ACYP2: variants seen among roughly 807,000 people sequenced by gnomAD.
The protein encoded by ACYP2 is acylphosphatase 2, also known as acylphosphatase-2.
Under a neutral mutation model 11.2 loss-of-function variants are expected in ACYP2, and 12 were observed. The ratio of observed to expected loss-of-function variants is 1.08; its 90% CI spans 0.69 to 1.74. ACYP2 has a LOEUF of 1.74. Among genes scored for constraint, ACYP2 ranks in the 40% most tolerant of loss-of-function variants. ACYP2 has a pLI of 0.00. For missense variants in ACYP2, 134 were observed against 101.9 expected (o/e 1.31, Z -1.35); for synonymous variants, 43 against 32.2 (o/e 1.33, Z -1.13).
At chr2:54,138,803 A>G (rs1681425705) in intron 6 of ACYP2, 55 bp downstream of exon 3, 3 of 1,454,538 alleles carry the variant, frequency 2.1e-6, no homozygotes, top group Non-Finnish European at 2.9e-6. Context: ...GCTGTTTTTT[A>G]GTTTTTTAAG....
chr2:54,028,958 G>T (rs1361812466), intron 2 of ACYP2, among the ~76,000 whole-genome samples: 1 of 152,100 alleles, frequency 6.6e-6, no homozygotes. Flanking sequence ...AGCAGTTTGA[G>T]ACCACTTTGG....
At chr2:54,134,710 A>G (rs1681121216) in intron 4 of ACYP2, among the ~76,000 whole-genome samples, 1 of 152,218 alleles carries the variant, frequency 6.6e-6, no homozygotes, top group South Asian at 2.1e-4. Context: ...TAAACATTTT[A>G]TTTATTTCAT....
chr2:54,268,267 G>T (rs1688127956), intron 6 of ACYP2, among the ~76,000 whole-genome samples: 1 of 152,296 alleles, frequency 6.6e-6, no homozygotes, highest in East Asian at 1.9e-4. Context: ...TAGCTGCAAT[G>T]AGGTTGTTGG....
At chr2:54,091,003 TA>T (rs1678195021) in intron 4 of ACYP2, among the ~76,000 whole-genome samples, 1 of 152,218 alleles carries the variant, frequency 6.6e-6, no homozygotes, top group African/African-American at 2.4e-5. Flanking sequence ...AACGCTGACA[TA>T]ATTGTTGATT....
chr2:54,182,597 C>T (rs1683792736), intron 6 of ACYP2, among the ~76,000 whole-genome samples: 1 of 152,138 alleles, frequency 6.6e-6, no homozygotes, highest in African/African-American at 2.4e-5. Flanking sequence ...CTTGGCCTCC[C>T]AAAGTCCTGG....
chr2:54,282,194 T>C (rs1688879241), intron 6 of ACYP2, among the ~76,000 whole-genome samples: 1 of 152,194 alleles, frequency 6.6e-6, no homozygotes, highest in Non-Finnish European at 1.5e-5. Flanking sequence ...ATACAAGTTC[T>C]CCAAGTCCTT....
chr2:54,112,242 A>G (rs1679500050), intron 4 of ACYP2, among the ~76,000 whole-genome samples: 1 of 152,220 alleles, frequency 6.6e-6, no homozygotes, highest in Admixed American at 6.5e-5. Flanking sequence ...GGGAATTAAC[A>G]GGTTTTAATT....
intron 6 of ACYP2, among the ~76,000 whole-genome samples, chr2:54,279,279 C>T (rs1288184319): frequency 2.0e-5 from 3 of 152,104 alleles, no homozygotes; most frequent in Admixed American, 1.3e-4. Context: ...GGAATACTGC[C>T]AGGCTTATTT....
At chr2:54,247,511 T>C (rs750957711) in intron 6 of ACYP2, among the ~76,000 whole-genome samples, 10 of 152,206 alleles carry the variant, frequency 6.6e-5, no homozygotes, top group Non-Finnish European at 1.3e-4. Context: ...GAAAGTATCA[T>C]AGGCACTACT....
intron 2 of ACYP2, among the ~76,000 whole-genome samples, chr2:53,978,659 G>A (rs538378002): frequency 6.6e-6 from 1 of 152,342 alleles, no homozygotes; most frequent in Admixed American, 6.5e-5. Flanking sequence ...ACCGAGGTGG[G>A]CAGATGGCTT....
intron 6 of ACYP2, among the ~76,000 whole-genome samples, chr2:54,192,508 T>C (rs964166674): frequency 6.6e-6 from 1 of 152,184 alleles, no homozygotes; most frequent in Non-Finnish European, 1.5e-5. Flanking sequence ...AGATAACATA[T>C]CCAGTTTTAT....
intron 6 of ACYP2, among the ~76,000 whole-genome samples, chr2:54,232,148 T>G (rs1008016492): frequency 6.6e-6 from 1 of 152,166 alleles, no homozygotes; most frequent in Non-Finnish European, 1.5e-5. Flanking sequence ...TTTTTTCATA[T>G]ACACAACTGG....
At chr2:54,123,843 C>G (rs1020918697) in intron 4 of ACYP2, among the ~76,000 whole-genome samples, 1 of 152,164 alleles carries the variant, frequency 6.6e-6, no homozygotes, top group African/African-American at 2.4e-5. Context: ...TGTTGAAGAG[C>G]TGTCTTGAAA....
intron 6 of ACYP2, among the ~76,000 whole-genome samples, chr2:54,265,293 G>A (rs1195477431): frequency 1.3e-5 from 2 of 152,134 alleles, no homozygotes; most frequent in Non-Finnish European, 2.9e-5. Flanking sequence ...GATGGCAGCA[G>A]GCAAAGAGAG....
intron 6 of ACYP2, among the ~76,000 whole-genome samples, chr2:54,237,272 C>G (rs770904195): frequency 6.6e-6 from 1 of 152,124 alleles, no homozygotes; most frequent in Non-Finnish European, 1.5e-5. Context: ...GCTATTGGCA[C>G]ATGTTTTCAT....
intron 6 of ACYP2, among the ~76,000 whole-genome samples, chr2:54,249,965 A>C (rs1488494607): frequency 6.8e-6 from 1 of 147,924 alleles, no homozygotes; most frequent in African/African-American, 2.6e-5. Context: ...AAAAAAAAAA[A>C]AGAAAACTCA....
intron 3 of ACYP2, among the ~76,000 whole-genome samples, chr2:54,056,021 A>G (rs578014304): frequency 1.3e-5 from 2 of 152,346 alleles, no homozygotes; most frequent in African/African-American, 4.8e-5. Context: ...GAGAAGTTAA[A>G]TAAATTATTT....
chr2:54,191,909 C>T (rs1440820495), intron 6 of ACYP2, among the ~76,000 whole-genome samples: 2 of 152,150 alleles, frequency 1.3e-5, no homozygotes, highest in African/African-American at 2.4e-5. Flanking sequence ...TCTGTCCACC[C>T]ACAGGAATGT....
intron 2 of ACYP2, among the ~76,000 whole-genome samples, chr2:53,974,708 C>A (rs908789058): frequency 6.6e-6 from 1 of 152,062 alleles, no homozygotes; most frequent in African/African-American, 2.4e-5. Context: ...GACAAAAGAT[C>A]AAGATAATGT....
Sources: gnomAD v4.1 joint callset for allele counts (sites outside exome capture counted in the v4.1 genomes callset) on GRCh38, gnomAD v4.1.1 for gene constraint, MANE v1.5 for transcripts, NCBI Gene and HGNC (gene_info 2026-07-23, HGNC 2026-07-21) for gene names.